The following UTRN variants were observed in gnomAD, a reference collection of about 807,000 sequenced individuals.
UTRN encodes utrophin.
UTRN carries 283 observed loss-of-function variants against 463.9 expected under a neutral mutation model. The observed-to-expected ratio is 0.61, with a 90% confidence interval of 0.55 to 0.67. The LOEUF (loss-of-function observed/expected upper bound fraction) is 0.67, where lower values mean the gene tolerates loss of function less well. UTRN is among the 30% of genes least tolerant of loss of function. The probability of loss-of-function intolerance (pLI) is 0.00; values close to 1 mark genes in which losing one functional copy is unlikely to be tolerated. For synonymous variants in UTRN, 1,442 were observed against 1,431.5 expected (o/e 1.01, Z -0.17); for missense variants, 3,922 against 4,084.3 (o/e 0.96, Z 1.08).
intron 23 of UTRN, among the ~76,000 whole-genome samples, chr6:144,463,696 C>T (rs999995581): frequency 6.6e-6 from 1 of 150,726 alleles, no homozygotes; most frequent in African/African-American, 2.4e-5. Flanking sequence ...CCAAGATGTA[C>T]TCATAACTAG....
At position 144,459,028 on chromosome 6, in the gene UTRN, C is replaced by T. The variant is rs1584871627; in HGVS notation, c.2526+17C>T. The stretch of plus-strand genomic sequence containing the variant: ...TCCTGTCAGGTAAGGAGCCAACGGT[C>T]TGGAAAGTGGAGGAATTCTATGTGC... On this transcript the variant is annotated intron_variant, in intron 20 of 74. Coordinates refer to ENST00000367545, the MANE Select transcript of UTRN (RefSeq NM_007124.3). 1.3e-6 allele frequency: 2 copies of T among 1,584,442 alleles called. No homozygotes were observed. Among genetic ancestry groups the T allele is most frequent in the Non-Finnish European group, 1.7e-6 (2 of 1,166,810 alleles).
At chr6:144,682,366 C>G (rs183999703) in intron 52 of UTRN, among the ~76,000 whole-genome samples, 14 of 152,302 alleles carry the variant, frequency 9.2e-5, no homozygotes, top group Admixed American at 8.5e-4. Context: ...AATACATTTT[C>G]TTTATCCATT....
intron 25 of UTRN, among the ~76,000 whole-genome samples, chr6:144,476,123 A>T (rs1791169138): frequency 6.7e-6 from 1 of 149,416 alleles, no homozygotes; most frequent in South Asian, 2.2e-4. Flanking sequence ...AGGCTGAGGC[A>T]AAAGGATGGC....
chr6:144,776,201 T>A lies in UTRN; in HGVS notation c.8632+1837T>A, dbSNP rs560255978. Among the ~76,000 whole-genome samples, 23 of 152,326 alleles carry A rather than the reference T, an allele frequency of 1.5e-4. 1 individual carries two copies. In the South Asian group the frequency reaches 4.8e-3, roughly 32 times the overall value. On this transcript the variant is annotated intron_variant, in intron 60 of 74. Coordinates refer to ENST00000367545, the MANE Select transcript of UTRN (RefSeq NM_007124.3). ...CTCTGCACTGGCTTGTAACCCTTTT[T>A]TCCTCCCAAATACTGTTAAAGATTT...
chr6:144,330,713 G>T, intron 2 of UTRN: 1 of 608,936 alleles, frequency 1.6e-6, no homozygotes, highest in South Asian at 7.3e-5. Context: ...CTCCACACCT[G>T]GCAGAGGCTC....
At chr6:144,799,600 A>G (rs1777541210) in intron 64 of UTRN, 2 of 426,258 alleles carry the variant, frequency 4.7e-6, no homozygotes, top group Non-Finnish European at 9.8e-6. Flanking sequence ...TGGGAAGATA[A>G]TTCAAATGAG....
chr6:144,807,080 A>G (rs1778216253), intron 65 of UTRN, among the ~76,000 whole-genome samples: 1 of 152,124 alleles, frequency 6.6e-6, no homozygotes, highest in African/African-American at 2.4e-5. Context: ...AATGGATCAG[A>G]CCTTCCCATA....
chr6:144,506,412 C>T (rs1443464910), intron 34 of UTRN, among the ~76,000 whole-genome samples: 2 of 152,038 alleles, frequency 1.3e-5, no homozygotes, highest in Non-Finnish European at 1.5e-5. Flanking sequence ...TTTTTCATTT[C>T]CGTATTTAGT....
intron 2 of UTRN, among the ~76,000 whole-genome samples, chr6:144,388,685 G>A (rs995074159): frequency 1.3e-5 from 2 of 152,088 alleles, no homozygotes; most frequent in South Asian, 4.2e-4. Flanking sequence ...GCTAAGTTTT[G>A]TATCATTTTG....
chr6:144,419,022 T>C (rs565562884), intron 3 of UTRN, among the ~76,000 whole-genome samples: 17 of 152,206 alleles, frequency 1.1e-4, no homozygotes, highest in Non-Finnish European at 2.1e-4. Context: ...CTATATAATA[T>C]ATTTTTGCTA....
At chr6:144,713,914 C>G (rs1786066676) in intron 53 of UTRN, among the ~76,000 whole-genome samples, 1 of 129,180 alleles carries the variant, frequency 7.7e-6, no homozygotes, top group Admixed American at 9.1e-5. Context: ...GAGTGAAACT[C>G]TGTCTCAAAA....
Position 144,797,975 on chromosome 6 carries a change from C to T in UTRN, c.9230C>T (p.Pro3077Leu). ...AAATGCAACATCTGTAAAGAATGTC[C>T]AATTGTCGGGTTCAGGTAAGGCGTG... Reference protein sequence around the residue: ...QAKCNICKECPIVGFRYRSLK... With the variant: ...QAKCNICKECLIVGFRYRSLK... The change falls in exon 64 of 75, where the codon CCA (proline) becomes CTA (leucine). Residue 3077 changes from proline to leucine, a missense_variant. Around this residue, in one of 3 missense-constraint regions of UTRN, gnomAD observed 1,309 missense variants for 1,452.6 expected, o/e 0.90. Transcript: ENST00000367545. 1 of 1,613,996 alleles carries T rather than the reference C, an allele frequency of 6.2e-7. No individual in the cohort carries two copies. The highest frequency in any genetic ancestry group is 8.5e-7 in the Non-Finnish European group (1 of 1,179,976).
intron 2 of UTRN, among the ~76,000 whole-genome samples, chr6:144,384,533 G>T (rs997422581): frequency 6.6e-6 from 1 of 151,748 alleles, no homozygotes; most frequent in Non-Finnish European, 1.5e-5. Context: ...TTCCTTTTTG[G>T]TGCCAAAAAG....
At chr6:144,323,696 A>G (rs993946038) in intron 2 of UTRN, among the ~76,000 whole-genome samples, 7 of 152,122 alleles carry the variant, frequency 4.6e-5, no homozygotes, top group Admixed American at 6.5e-5. Flanking sequence ...TTTTTTGGTC[A>G]TATATTAAAC....
chr6:144,619,427 T>C (rs1775116478), intron 51 of UTRN, among the ~76,000 whole-genome samples: 2 of 152,180 alleles, frequency 1.3e-5, no homozygotes, highest in Non-Finnish European at 2.9e-5. Context: ...CATTATAGAA[T>C]GAAGCTGAAT....
chr6:144,700,854 C>T (rs528720974), intron 53 of UTRN, among the ~76,000 whole-genome samples: 1 of 152,136 alleles, frequency 6.6e-6, no homozygotes, highest in East Asian at 1.9e-4. Context: ...CTGCCTCAGC[C>T]TCCCAAGTAG....
chr6:144,646,257 C>T (rs1328181730), intron 51 of UTRN, among the ~76,000 whole-genome samples: 2 of 152,042 alleles, frequency 1.3e-5, no homozygotes, highest in African/African-American at 4.8e-5. Flanking sequence ...AGAAGCATTC[C>T]CTTAAGTGTA....
intron 2 of UTRN, among the ~76,000 whole-genome samples, chr6:144,346,875 C>CATCTATCTATCT (rs5880591): frequency 0.041 from 6,226 of 151,166 alleles, 395 homozygotes; most frequent in African/African-American, 0.14. Flanking sequence ...ATCTATGTAT[C>CATCTATCTATCT]ATCTATCTAT....
At position 144,828,787 on chromosome 6, in the gene UTRN, C is replaced by T; in HGVS notation, c.9600-3C>T. The stretch of plus-strand genomic sequence containing the variant: ...GTCTAACCTCCTTATTTTTATTTTG[C>T]AGACTGGCCCAGATGGAAAGGACTA... On this transcript the variant is annotated splice_polypyrimidine_tract_variant and splice_region_variant and intron_variant, in intron 68 of 74. Coordinates refer to ENST00000367545, the MANE Select transcript of UTRN (RefSeq NM_007124.3). The T allele has an allele frequency of 6.2e-7, 1 of 1,613,244 alleles. No homozygotes were observed. The highest frequency in any genetic ancestry group is 8.5e-7 in the Non-Finnish European group (1 of 1,179,460).
Sources: gnomAD v4.1 joint callset for allele counts (sites outside exome capture counted in the v4.1 genomes callset) on GRCh38, gnomAD v4.1.1 for gene constraint, gnomAD v4.1.1 regional missense constraint, MANE v1.5 for transcripts, NCBI Gene and HGNC (gene_info 2026-07-23, HGNC 2026-07-21) for gene names.